EPHA5: variants seen among roughly 807,000 people sequenced by gnomAD.
The protein encoded by EPHA5 is EPH receptor A5.
EPHA5 carries 60 observed loss-of-function variants against 105.0 expected under a neutral mutation model. The observed-to-expected ratio is 0.57, with a 90% CI of 0.46 to 0.71. EPHA5 has a LOEUF of 0.71. EPHA5 is among the 30% of genes least tolerant of loss of function. The pLI is 0.00. For synonymous variants in EPHA5, 513 were observed against 449.1 expected, an observed-to-expected ratio of 1.14 and a Z score of -1.80; for missense variants, 1,218 against 1,274.7, an observed-to-expected ratio of 0.96 and a Z score of 0.68.
intron 2 of EPHA5, among the ~76,000 whole-genome samples, chr4:65,635,414 A>T (rs2149498580): frequency 6.6e-6 from 1 of 152,236 alleles, no homozygotes; most frequent in African/African-American, 2.4e-5. Context: ...TCTTTATTTG[A>T]CTGGAGGAAG....
At chr4:65,472,757 C>A (rs1729416854) in intron 5 of EPHA5, among the ~76,000 whole-genome samples, 1 of 152,142 alleles carries the variant, frequency 6.6e-6, no homozygotes, top group Non-Finnish European at 1.5e-5. Context: ...CCCACAAAAC[C>A]TGGCCCTTCT....
At chr4:65,574,995 G>A (rs1259379866) in intron 3 of EPHA5, among the ~76,000 whole-genome samples, 1 of 151,722 alleles carries the variant, frequency 6.6e-6, no homozygotes, top group Non-Finnish European at 1.5e-5. Flanking sequence ...GCTGGTACAG[G>A]TGTGTACTTT....
intron 13 of EPHA5, among the ~76,000 whole-genome samples, chr4:65,349,396 C>T (rs1000709140): frequency 5.9e-5 from 9 of 152,144 alleles, no homozygotes; most frequent in Middle Eastern, 3.4e-3. Context: ...ATGCCTCTTT[C>T]AGGGTGAAAT....
chr4:65,422,690 G>A (rs1431295863), intron 5 of EPHA5, among the ~76,000 whole-genome samples: 1 of 152,040 alleles, frequency 6.6e-6, no homozygotes, highest in East Asian at 1.9e-4. Context: ...TTCTGTGTTA[G>A]AGCTAACCTT....
Position 65,534,287 on chromosome 4 carries a change from A to G in EPHA5, c.911-38744T>C, listed in dbSNP as rs1233704936. The stretch of plus-strand genomic sequence containing the variant: ...TTTTAAAAATTAAAGCAAAAACTCA[A>G]TAATAAACAATCACAATAATATTGT... On this transcript the variant is annotated intron_variant, in intron 3 of 16. Coordinates refer to ENST00000613740, the MANE Select transcript of EPHA5 (RefSeq NM_001281766.3). Among the ~76,000 whole-genome samples, 4 of 152,200 alleles carry G rather than the reference A, an allele frequency of 2.6e-5. No homozygotes were observed. In the South Asian group the frequency reaches 8.3e-4, roughly 31 times the overall value.
At chr4:65,406,308 A>C (rs1722350238) in intron 7 of EPHA5, among the ~76,000 whole-genome samples, 1 of 152,182 alleles carries the variant, frequency 6.6e-6, no homozygotes, top group African/African-American at 2.4e-5. Flanking sequence ...CTGCCTTTGA[A>C]TTCCACAGAT....
intron 1 of EPHA5, among the ~76,000 whole-genome samples, chr4:65,654,338 C>T (rs1021287595): frequency 2.6e-5 from 4 of 151,646 alleles, no homozygotes; most frequent in Admixed American, 2.6e-4. Flanking sequence ...ACACAACGGA[C>T]GAGAAAGTCC....
intron 2 of EPHA5, among the ~76,000 whole-genome samples, chr4:65,616,563 T>C (rs1054936641): frequency 1.3e-5 from 2 of 151,792 alleles, no homozygotes; most frequent in African/African-American, 4.8e-5. Flanking sequence ...AAACAAAAAT[T>C]ATAATTCAGA....
Position 65,585,471 on chromosome 4 carries a change from A to G in EPHA5, c.910+16170T>C, listed in dbSNP as rs533501562. On this transcript the variant is annotated intron_variant, in intron 3 of 16. Transcript: ENST00000613740. ...GAGAAAAAAAAAAATATTTACCAAGAGTGTTTTAATTGACCTTAAGAGCTA... is the reference window on the plus strand; with the variant it reads ...GAGAAAAAAAAAAATATTTACCAAGGGTGTTTTAATTGACCTTAAGAGCTA... Among the ~76,000 whole-genome samples the G allele has an allele frequency of 4.6e-3, 692 of 151,956 alleles. 2 individuals are homozygous for G. The highest frequency in any genetic ancestry group is 8.0e-3 in the Non-Finnish European group (541 of 67,870).
intron 16 of EPHA5, 88 bp downstream of exon 16, chr4:65,331,885 C>T: frequency 2.0e-6 from 3 of 1,494,596 alleles, no homozygotes; most frequent in Non-Finnish European, 2.7e-6. Flanking sequence ...CAAAGGTTAA[C>T]TGATTTCCCT....
chr4:65,560,808 C>A (rs1267542952), intron 3 of EPHA5, among the ~76,000 whole-genome samples: 1 of 151,926 alleles, frequency 6.6e-6, no homozygotes, highest in Admixed American at 6.6e-5. Flanking sequence ...TGAGGATAAA[C>A]AAAATAATAT....
intron 14 of EPHA5, among the ~76,000 whole-genome samples, chr4:65,340,662 C>A (rs939640802): frequency 6.6e-6 from 1 of 152,104 alleles, no homozygotes; most frequent in Admixed American, 6.6e-5. Context: ...CATTTAGTAA[C>A]CTGCCTTTTC....
chr4:65,609,399 T>C (rs1744551873), intron 2 of EPHA5, among the ~76,000 whole-genome samples: 1 of 152,180 alleles, frequency 6.6e-6, no homozygotes, highest in Non-Finnish European at 1.5e-5. Flanking sequence ...CTATTAATTT[T>C]CTGTGTATGA....
At chr4:65,524,803 A>T (rs776516852) in intron 3 of EPHA5, among the ~76,000 whole-genome samples, 1 of 151,790 alleles carries the variant, frequency 6.6e-6, no homozygotes, top group Non-Finnish European at 1.5e-5. Context: ...TTCCAAGAAA[A>T]ATAACAGATT....
intron 2 of EPHA5, among the ~76,000 whole-genome samples, chr4:65,642,497 A>C (rs1210765475): frequency 6.6e-6 from 1 of 152,048 alleles, no homozygotes; most frequent in African/African-American, 2.4e-5. Flanking sequence ...ATTCCTTCTT[A>C]ATATTATGTC....
intron 5 of EPHA5, among the ~76,000 whole-genome samples, chr4:65,426,924 A>C (rs1293807221): frequency 6.6e-6 from 1 of 152,116 alleles, no homozygotes; most frequent in African/African-American, 2.4e-5. Flanking sequence ...CTTACATATG[A>C]ATAGGACAGG....
intron 1 of EPHA5, among the ~76,000 whole-genome samples, chr4:65,657,987 C>T (rs896729842): frequency 2.0e-5 from 3 of 148,950 alleles, no homozygotes; most frequent in African/African-American, 7.3e-5. Flanking sequence ...ATTTCAGTGG[C>T]CATTCTCAGT....
chr4:65,389,688 G>T (rs1345721000), intron 8 of EPHA5, among the ~76,000 whole-genome samples: 1 of 151,982 alleles, frequency 6.6e-6, no homozygotes, highest in East Asian at 1.9e-4. Flanking sequence ...AGGGGAATAG[G>T]CATAGCAATA....
chr4:65,583,779 A>G (rs779383969), intron 3 of EPHA5, among the ~76,000 whole-genome samples: 44 of 151,856 alleles, frequency 2.9e-4, no homozygotes, highest in Middle Eastern at 6.8e-3. Context: ...ATTGTTTTTC[A>G]CATAAAATCA....
Sources: gnomAD v4.1 joint callset for allele counts (sites outside exome capture counted in the v4.1 genomes callset) on GRCh38, gnomAD v4.1.1 for gene constraint, MANE v1.5 for transcripts, NCBI Gene and HGNC (gene_info 2026-07-23, HGNC 2026-07-21) for gene names.